RAG1: variants seen among roughly 807,000 people sequenced by gnomAD.
RAG1 encodes recombination activating 1, also known as V(D)J recombination-activating protein 1.
A neutral mutation model predicts 62.7 loss-of-function variants in RAG1; 35 were observed. The observed-to-expected ratio is 0.56, with a 90% CI of 0.43 to 0.74. The LOEUF is 0.74. Among genes scored for constraint, RAG1 ranks in the 30% least tolerant of loss-of-function variants. The probability of loss-of-function intolerance (pLI) is 0.00; values close to 1 mark genes in which losing one functional copy is unlikely to be tolerated. For missense variants in RAG1, 1,169 were observed against 1,278.6 expected (o/e 0.91, Z 1.31); for synonymous variants, 461 against 470.3 (o/e 0.98, Z 0.26).
rs1378936510 is a variant in RAG1 at position 36,574,869 on chromosome 11, G to A, written c.1565G>A (p.Trp522Ter). Residue 522 changes from tryptophan to a stop codon, truncating the protein, a stop_gained, in exon 2 of 2, where the codon TGG becomes TAG. Transcript: ENST00000299440. LOFTEE classifies it high-confidence loss of function. ...CTGCCAGGCTACCACCACTTTGAGTGGCAGCCACCTCTGAAGAATGTGTCT... is the reference window on the plus strand; with the variant it reads ...CTGCCAGGCTACCACCACTTTGAGTAGCAGCCACCTCTGAAGAATGTGTCT... ...VLLPGYHHFE[W>*]QPPLKNVSSS... The A allele has an allele frequency of 1.2e-6, 2 of 1,614,098 alleles. No homozygotes were observed. The highest frequency in any genetic ancestry group is 1.7e-6 in the Non-Finnish European group (2 of 1,180,048).
intron 2 of RAG1, among the ~76,000 whole-genome samples, chr11:36,526,331 G>C (rs942281925): frequency 6.7e-6 from 1 of 149,058 alleles, no homozygotes; most frequent in African/African-American, 2.5e-5. Flanking sequence ...AGGATATGTG[G>C]TGTTTGGTTT....
rs144342984 is a variant in RAG1 at position 36,562,569 on chromosome 11, A to G, written c.-411-816A>G. On this transcript the variant is annotated intron_variant and NMD_transcript_variant, in intron 3 of 9. Transcript: ENST00000534663. ...CACCACAGCTCAACATTAGATGGATAATAATGGCCATGATAACCATACTCA... is the reference window on the plus strand; with the variant it reads ...CACCACAGCTCAACATTAGATGGATGATAATGGCCATGATAACCATACTCA... Among the ~76,000 whole-genome samples, 207 of 152,270 alleles carry G rather than the reference A, an allele frequency of 1.4e-3. 2 individuals are homozygous for G. The Middle Eastern group carries it at 0.017, about 13-fold the overall frequency.
intron 3 of RAG1, among the ~76,000 whole-genome samples, chr11:36,562,122 A>G (rs1186671550): frequency 6.6e-6 from 1 of 152,142 alleles, no homozygotes. Flanking sequence ...GAGGGTTTTG[A>G]TTAGAGAAGT....
chr11:36,567,083 T>C (rs553673763), upstream of RAG1, among the ~76,000 whole-genome samples: 1 of 152,324 alleles, frequency 6.6e-6, no homozygotes, highest in South Asian at 2.1e-4. Flanking sequence ...GAATTATCCT[T>C]AGACTATTAC....
intron 3 of RAG1, among the ~76,000 whole-genome samples, chr11:36,562,615 A>G (rs757652753): frequency 3.3e-5 from 5 of 152,142 alleles, no homozygotes; most frequent in Non-Finnish European, 7.4e-5. Context: ...ATGAAGCCCA[A>G]TGAGTATCTT....
chr11:36,575,294 G>T lies in RAG1; in HGVS notation c.1990G>T (p.Asp664Tyr). 1 of 1,614,240 alleles carries T rather than the reference G, an allele frequency of 6.2e-7. No individual in the cohort carries two copies. The highest frequency in any genetic ancestry group is 8.5e-7 in the Non-Finnish European group (1 of 1,180,044). The change falls in exon 2 of 2, where the codon GAT becomes TAT. Residue 664 changes from aspartate (D) to tyrosine (Y), a missense_variant. By Grantham distance (160) the Asp-to-Tyr change is radical. Around this residue, in one of 2 missense-constraint regions of RAG1, gnomAD observed 800 missense variants for 943.3 expected, o/e 0.85. Transcript: ENST00000299440. The surrounding 1 kb of genome is among the most constrained non-coding windows in gnomAD (Gnocchi z 4.1). ...CCKPLCLMLA[D>Y]ESDHETLTAI... Reference sequence around the variant, plus strand: ...CAAGCCATTGTGCCTTATGCTGGCAGATGAGTCTGACCACGAGACGCTGAC... The same window carrying T: ...CAAGCCATTGTGCCTTATGCTGGCATATGAGTCTGACCACGAGACGCTGAC...
chr11:36,569,881 C>G, intron 1 of RAG1, among the ~76,000 whole-genome samples: 1 of 152,090 alleles, frequency 6.6e-6, no homozygotes, highest in East Asian at 1.9e-4. Flanking sequence ...TAAAGGGAAT[C>G]CTACTATACT....
chr11:36,563,870 T>A (rs1252714930), upstream of RAG1, among the ~76,000 whole-genome samples: 1 of 152,180 alleles, frequency 6.6e-6, no homozygotes, highest in Non-Finnish European at 1.5e-5. Context: ...ATCCTGCAAT[T>A]AGGCATTCAG....
Position 36,573,572 on chromosome 11 carries a change from A to G in RAG1, c.268A>G (p.Lys90Glu). 5 of 1,614,202 alleles carry G rather than the reference A, an allele frequency of 3.1e-6. No homozygotes were observed. The highest frequency in any genetic ancestry group is 4.2e-6 in the Non-Finnish European group (5 of 1,180,034). ...LLKAHPKFSK[K>E]FHDNEKARGK... is the part of the protein sequence containing the mutation. ...AAAAGCCCACCCTAAGTTTTCAAAG[A>G]AATTTCACGACAACGAGAAAGCAAG... The change falls in exon 2 of 2, where the codon AAA (lysine) becomes GAA (glutamate). Residue 90 changes from lysine to glutamate, a missense_variant. By Grantham distance (56) the Lys-to-Glu change is moderately conservative. Around this residue, in one of 2 missense-constraint regions of RAG1, gnomAD observed 369 missense variants for 335.3 expected, o/e 1.10. Coordinates refer to ENST00000299440, the MANE Select transcript of RAG1 (RefSeq NM_000448.3).
At chr11:36,560,743 A>G (rs996259585) in intron 3 of RAG1, among the ~76,000 whole-genome samples, 1 of 152,030 alleles carries the variant, frequency 6.6e-6, no homozygotes, top group African/African-American at 2.4e-5. Flanking sequence ...TGCAGTGGTA[A>G]TGAGGACTGC....
upstream of RAG1, chr11:36,565,739 G>A (rs1850652462): frequency 1.3e-5 from 2 of 152,232 alleles, no homozygotes; most frequent in South Asian, 4.1e-4. Context: ...TTAGTGTCCA[G>A]AGGGACAATG....
chr11:36,573,333 G>T lies in RAG1; in HGVS notation c.29G>T (p.Gly10Val), dbSNP rs977780517. The T allele has an allele frequency of 1.2e-6, 2 of 1,614,118 alleles. No homozygotes were observed. Among genetic ancestry groups the T allele is most frequent in the Admixed American group, 1.7e-5 (1 of 60,024 alleles). ...GCAGCCTCTTTCCCACCCACCTTGG[G>T]ACTCAGTTCTGCCCCAGATGAAATT... MAASFPPTL[G>V]LSSAPDEIQH... Residue 10 changes from glycine (G) to valine (V), a missense_variant, in exon 2 of 2, where the codon GGA (glycine) becomes GTA (valine). Coordinates refer to ENST00000299440, the MANE Select transcript of RAG1 (RefSeq NM_000448.3).
At position 36,575,262 on chromosome 11, in the gene RAG1, T is replaced by A; in HGVS notation, c.1958T>A (p.Leu653Gln). The part of the protein sequence containing the change: ...VFEEAKPNSE[L>Q]CCKPLCLMLA... ...GAAGAAGCCAAACCTAACTCTGAAC[T>A]GTGTTGCAAGCCATTGTGCCTTATG... The change falls in exon 2 of 2, where the codon CTG becomes CAG. Residue 653 changes from leucine (L) to glutamine (Q), a missense_variant. This residue lies in a region of RAG1 where 800 missense variants were observed against 943.3 expected (regional missense o/e 0.85). Transcript: ENST00000299440. This position sits in a 1 kb window ranked among gnomAD's most constrained non-coding sequence, Gnocchi z 4.1. 3.7e-6 allele frequency: 6 copies of A among 1,614,204 alleles called. No homozygotes were observed. Among genetic ancestry groups the A allele is most frequent in the Non-Finnish European group, 5.1e-6 (6 of 1,180,036 alleles).
intron 1 of RAG1, among the ~76,000 whole-genome samples, chr11:36,572,431 C>T (rs1258935508): frequency 6.6e-6 from 1 of 152,168 alleles, no homozygotes; most frequent in Non-Finnish European, 1.5e-5. Flanking sequence ...ATTACTCCCA[C>T]CTCTTCTTAT....
At chr11:36,513,892 G>A (rs1381707739) in intron 1 of RAG1, among the ~76,000 whole-genome samples, 1 of 152,160 alleles carries the variant, frequency 6.6e-6, no homozygotes, top group Non-Finnish European at 1.5e-5. Flanking sequence ...CACAACACGT[G>A]GAAATTAGGG....
intron 2 of RAG1, among the ~76,000 whole-genome samples, chr11:36,532,236 T>A (rs1172735258): frequency 1.3e-5 from 2 of 152,136 alleles, no homozygotes; most frequent in Non-Finnish European, 2.9e-5. Context: ...TATTCTAAAC[T>A]AGAGATACTA....
At chr11:36,544,720 T>C (rs561163229) in intron 3 of RAG1, among the ~76,000 whole-genome samples, 2 of 152,346 alleles carry the variant, frequency 1.3e-5, no homozygotes, top group Admixed American at 6.5e-5. Context: ...AAATCTCGTC[T>C]AGAATTGTAA....
At chr11:36,533,000 C>T (rs1300945844) in intron 2 of RAG1, among the ~76,000 whole-genome samples, 1 of 152,092 alleles carries the variant, frequency 6.6e-6, no homozygotes, top group Non-Finnish European at 1.5e-5. Context: ...AGTTGCAGAA[C>T]AGTTTTCTGG....
intron 1 of RAG1, among the ~76,000 whole-genome samples, chr11:36,514,718 TG>T (rs1324201264): frequency 1.3e-5 from 2 of 152,200 alleles, no homozygotes; most frequent in Non-Finnish European, 2.9e-5. Context: ...AAAGGGTTTG[TG>T]CTCTTGTGAG....
Sources: gnomAD v4.1 joint callset for allele counts (sites outside exome capture counted in the v4.1 genomes callset) on GRCh38, gnomAD v4.1.1 for gene constraint, gnomAD v4.1.1 regional missense constraint, Gnocchi (gnomAD v3.1) non-coding constraint, MANE v1.5 for transcripts, NCBI Gene and HGNC (gene_info 2026-07-23, HGNC 2026-07-21) for gene names.